The following PTPRM variants were observed in gnomAD, a reference collection of about 807,000 sequenced individuals.
The protein encoded by PTPRM is protein tyrosine phosphatase receptor type M, also known as receptor-type tyrosine-protein phosphatase mu.
Under a neutral mutation model 186.7 loss-of-function variants are expected in PTPRM, and 47 were observed. That is an observed-to-expected ratio of 0.25 (90% confidence interval 0.20 to 0.32). The LOEUF (loss-of-function observed/expected upper bound fraction) is 0.32, where lower values mean the gene tolerates loss of function less well. Among genes scored for constraint, PTPRM ranks in the 10% least tolerant of loss-of-function variants. The pLI, the probability that PTPRM is intolerant of heterozygous loss-of-function variation, is 1.00. For missense variants in PTPRM, 1,494 were observed against 1,865.0 expected, an observed-to-expected ratio of 0.80 and a Z score of 3.66; for synonymous variants, 668 against 674.9, an observed-to-expected ratio of 0.99 and a Z score of 0.16.
chr18:7,888,977 A>C (rs1235577660), intron 3 of PTPRM, among the ~76,000 whole-genome samples: 1 of 152,144 alleles, frequency 6.6e-6, no homozygotes, highest in African/African-American at 2.4e-5. Context: ...AAAGGAGGGG[A>C]GCAAGGGTGG....
At chr18:7,874,823 C>G (rs1006155234) in intron 2 of PTPRM, among the ~76,000 whole-genome samples, 32 of 152,180 alleles carry the variant, frequency 2.1e-4, no homozygotes, top group African/African-American at 7.5e-4. Context: ...TTTAATTATC[C>G]TATAGCTCCC....
At chr18:8,014,614 G>A (rs56941238) in intron 7 of PTPRM, among the ~76,000 whole-genome samples, 4,223 of 152,274 alleles carry the variant, frequency 0.028, 115 homozygotes, top group African/African-American at 0.07. Context: ...CTAAGGAATA[G>A]TGTACAAAAT....
chr18:8,088,614 GC>G, intron 10 of PTPRM, 134 bp from the exon 11 acceptor site: 1 of 678,974 alleles, frequency 1.5e-6, no homozygotes, highest in Non-Finnish European at 2.6e-6. Flanking sequence ...TGTGAAGCTT[GC>G]TCGTGGTTGT....
At chr18:7,992,350 TC>T (rs1047062929) in intron 7 of PTPRM, among the ~76,000 whole-genome samples, 9 of 152,208 alleles carry the variant, frequency 5.9e-5, no homozygotes, top group African/African-American at 1.9e-4. Context: ...AGAAGATTTA[TC>T]CACAGAAATT....
intron 13 of PTPRM, among the ~76,000 whole-genome samples, chr18:8,135,121 C>T (rs1181950293): frequency 1.3e-5 from 2 of 152,136 alleles, no homozygotes; most frequent in Admixed American, 6.5e-5. Context: ...AGCACCCAGG[C>T]AGTTGATCAA....
intron 2 of PTPRM, among the ~76,000 whole-genome samples, chr18:7,830,982 G>T (rs533523860): frequency 3.3e-5 from 5 of 152,276 alleles, no homozygotes; most frequent in African/African-American, 1.2e-4. Flanking sequence ...ACTTAAAAAT[G>T]TTGAGGGCAG....
At chr18:7,722,465 C>G (rs558099058) in intron 1 of PTPRM, among the ~76,000 whole-genome samples, 1 of 151,794 alleles carries the variant, frequency 6.6e-6, no homozygotes, top group Admixed American at 6.6e-5. Flanking sequence ...GGTCAGACAT[C>G]TAATTGTAGA....
At chr18:7,719,869 A>C (rs562447769) in intron 1 of PTPRM, among the ~76,000 whole-genome samples, 1 of 152,348 alleles carries the variant, frequency 6.6e-6, no homozygotes, top group African/African-American at 2.4e-5. Flanking sequence ...ACAGTAAAAT[A>C]ATTCAAATAA....
At chr18:7,864,465 A>G (rs1368422918) in intron 2 of PTPRM, among the ~76,000 whole-genome samples, 4 of 152,128 alleles carry the variant, frequency 2.6e-5, no homozygotes, top group African/African-American at 9.7e-5. Context: ...TCCTTTCCCC[A>G]TTGCTTGTTT....
intron 1 of PTPRM, among the ~76,000 whole-genome samples, chr18:7,693,365 A>C (rs1436507493): frequency 6.6e-6 from 1 of 152,174 alleles, no homozygotes; most frequent in Admixed American, 6.5e-5. Flanking sequence ...TCTCACAGTC[A>C]GTATGTGGCA....
At chr18:7,693,163 T>C (rs2039771041) in intron 1 of PTPRM, among the ~76,000 whole-genome samples, 1 of 152,186 alleles carries the variant, frequency 6.6e-6, no homozygotes. Context: ...ACATTGCTTA[T>C]TTTATTCTTA....
intron 1 of PTPRM, among the ~76,000 whole-genome samples, chr18:7,650,488 G>A: frequency 7.9e-6 from 1 of 126,868 alleles, no homozygotes. Flanking sequence ...TGGGCAAAAA[G>A]ACTTAAAAAT....
At chr18:8,020,745 T>G (rs2085165453) in intron 7 of PTPRM, among the ~76,000 whole-genome samples, 1 of 152,138 alleles carries the variant, frequency 6.6e-6, no homozygotes, top group Non-Finnish European at 1.5e-5. Context: ...GTTTGACAAT[T>G]TTGTTCATTG....
intron 11 of PTPRM, among the ~76,000 whole-genome samples, chr18:8,099,158 TTTC>T (rs1568338720): frequency 2.6e-5 from 4 of 151,188 alleles, no homozygotes; most frequent in African/African-American, 9.8e-5. Context: ...TCTCTCTCTC[TTTC>T]TCTCTCTCTT....
At chr18:8,092,793 T>C (rs1880157893) in intron 11 of PTPRM, among the ~76,000 whole-genome samples, 2 of 152,080 alleles carry the variant, frequency 1.3e-5, no homozygotes, top group Non-Finnish European at 2.9e-5. Flanking sequence ...AGCAAGACCC[T>C]GTCTCTACAA....
chr18:8,355,993 C>T (rs948317598), intron 23 of PTPRM, among the ~76,000 whole-genome samples: 7 of 152,182 alleles, frequency 4.6e-5, no homozygotes, highest in African/African-American at 1.7e-4. Context: ...GCTCATCCCT[C>T]GCTGTCCAGG....
intron 1 of PTPRM, among the ~76,000 whole-genome samples, chr18:7,772,339 TTCTTTCTTTC>T (rs1411803854): frequency 0.013 from 1,855 of 140,538 alleles, 25 homozygotes; most frequent in Non-Finnish European, 0.022. Context: ...TTTCTTTTCT[TTCTTTCTTTC>T]TCTTTCTTTC....
intron 8 of PTPRM, 120 bp from the exon 9 acceptor site, chr18:8,076,335 G>A (rs2089811632): frequency 1.6e-6 from 1 of 619,220 alleles, no homozygotes; most frequent in Non-Finnish European, 2.9e-6. Context: ...AAGAAAAATT[G>A]AGTATATGTG....
At chr18:7,761,545 T>G (rs1223439173) in intron 1 of PTPRM, among the ~76,000 whole-genome samples, 1 of 152,208 alleles carries the variant, frequency 6.6e-6, no homozygotes, top group African/African-American at 2.4e-5. Context: ...TCTTAGTAGA[T>G]TCTTACATTT....
Sources: gnomAD v4.1 joint callset for allele counts (sites outside exome capture counted in the v4.1 genomes callset) on GRCh38, gnomAD v4.1.1 for gene constraint, MANE v1.5 for transcripts, NCBI Gene and HGNC (gene_info 2026-07-23, HGNC 2026-07-21) for gene names.